The following MINK1 variants were observed in gnomAD, a reference collection of about 807,000 sequenced individuals.
MINK1 encodes misshapen like kinase 1.
A neutral mutation model predicts 178.4 loss-of-function variants in MINK1; 46 were observed. The observed-to-expected ratio is 0.26, with a 90% CI of 0.20 to 0.33. The LOEUF (loss-of-function observed/expected upper bound fraction) is 0.33. MINK1 is among the 10% of genes least tolerant of loss of function. The pLI is 1.00. For synonymous variants in MINK1, 797 were observed against 709.7 expected (o/e 1.12, Z -1.96); for missense variants, 1,366 against 1,814.9 (o/e 0.75, Z 4.49).
intron 19 of MINK1, 55 bp from the exon 20 acceptor site, chr17:4,892,924 C>T: frequency 1.3e-5 from 19 of 1,473,806 alleles, no homozygotes; most frequent in Non-Finnish European, 1.8e-5. Flanking sequence ...AGGGTGTGGG[C>T]TTGAGGCCAT....
chr17:4,897,401 T>C lies in MINK1; in HGVS notation c.*114T>C. 1 of 932,634 alleles carries C rather than the reference T, an allele frequency of 1.1e-6. No homozygotes were observed. Among genetic ancestry groups the C allele is most frequent in the East Asian group, 2.6e-5 (1 of 38,198 alleles). The allele number at this position is 932,634 out of a possible 1,614,324, so 57.8% of individuals were successfully genotyped here. A position where few individuals can be genotyped will look rare whatever the true frequency, so the allele number is the denominator to read the frequency against. On this transcript the variant is annotated 3_prime_UTR_variant, in exon 32 of 32. Transcript: ENST00000355280. ...GGCTTTTGCTTTTACTGGTTTGATTTCACTGGAGCCTGCTGGGAACGTGAC... is the reference window on the plus strand; with the variant it reads ...GGCTTTTGCTTTTACTGGTTTGATTCCACTGGAGCCTGCTGGGAACGTGAC...
intron 1 of MINK1, among the ~76,000 whole-genome samples, chr17:4,856,246 C>T (rs1430765721): frequency 1.3e-5 from 2 of 152,130 alleles, no homozygotes; most frequent in Non-Finnish European, 2.9e-5. Context: ...TTCTTCAGGC[C>T]TGGGAGGCCA....
chr17:4,888,856 C>G (rs996920260), intron 12 of MINK1, among the ~76,000 whole-genome samples: 1 of 151,908 alleles, frequency 6.6e-6, no homozygotes, highest in Non-Finnish European at 1.5e-5. Flanking sequence ...CGCCACCACG[C>G]CCGGCTAATT....
chr17:4,894,060 CCCATA>C lies in MINK1; in HGVS notation c.2639_2643del (p.Pro880ArgfsTer12). The C allele has an allele frequency of 6.3e-7, 1 of 1,589,092 alleles. No homozygotes were observed. Among genetic ancestry groups the C allele is most frequent in the South Asian group, 1.1e-5 (1 of 88,966 alleles). On this transcript the variant is annotated frameshift_variant, in exon 22 of 32. Transcript: ENST00000355280. LOFTEE classifies it high-confidence loss of function. The surrounding 1 kb of genome is among the most constrained non-coding windows in gnomAD (Gnocchi z 4.1). ...TCGAGGAGATCACCGGGACCCAGCC[CCCATA>C]CGGGGGCGGCACCATGGTGGTCCAG...
intron 21 of MINK1, 123 bp downstream of exon 21, chr17:4,893,720 G>T (rs936569907): frequency 2.7e-5 from 36 of 1,343,732 alleles, no homozygotes; most frequent in Non-Finnish European, 3.5e-5. Flanking sequence ...TCTAGAGAGT[G>T]GGGTGAGGGT....
chr17:4,871,127 C>A, intron 1 of MINK1: 1 of 281,630 alleles, frequency 3.6e-6, no homozygotes, highest in Non-Finnish European at 7.7e-6. Context: ...AAGGTTCATC[C>A]ATGTTGCAAC....
rs1555539684 is a variant in MINK1, at chr17:4,887,670, A to ACAGCAGCAG, written c.1115_1123dup (p.Gln372_Gln374dup). The ACAGCAGCAG allele has an allele frequency of 1.9e-6, 3 of 1,566,508 alleles. No individual in the cohort carries two copies. The African/African-American group carries it at 4.1e-5, about 21-fold the overall frequency. On this transcript the variant is annotated inframe_insertion, in exon 12 of 32. Coordinates refer to ENST00000355280, the MANE Select transcript of MINK1 (RefSeq NM_153827.5). This position sits in a 1 kb window ranked among gnomAD's most constrained non-coding sequence, Gnocchi z 7.6. ...ATAAGAGCAACTCAGAGGCTTTAAA[A>ACAGCAGCAG]CAGCAGCAGCAGCTGCAGCAGCAGC...
At chr17:4,867,952 C>T (rs189348414) in intron 1 of MINK1, among the ~76,000 whole-genome samples, 180 of 151,706 alleles carry the variant, frequency 1.2e-3, no homozygotes, top group Non-Finnish European at 1.5e-3. Context: ...TTGTTGAGAA[C>T]ATTCCATATC....
chr17:4,847,775 C>T (rs1911267381), intron 1 of MINK1, among the ~76,000 whole-genome samples: 3 of 152,044 alleles, frequency 2.0e-5, no homozygotes, highest in Admixed American at 6.6e-5. Flanking sequence ...GAGCTGGTCT[C>T]GGAAACATCA....
Position 4,895,296 on chromosome 17 carries a change from G to C in MINK1, c.3085+54G>C. On this transcript the variant is annotated intron_variant, in intron 25 of 31. Transcript: ENST00000355280. This position sits in a 1 kb window ranked among gnomAD's most constrained non-coding sequence, Gnocchi z 4.3. ...GCTCTGGCGTGGCTCTTGTGCTCCT[G>C]GTTAGGTGAGGGCCTGGCTGAGCCT... 1.9e-6 allele frequency: 3 copies of C among 1,608,940 alleles called. No homozygotes were observed. The highest frequency in any genetic ancestry group is 2.6e-6 in the Non-Finnish European group (3 of 1,176,374).
At chr17:4,840,979 G>A (rs768418511) in intron 1 of MINK1, among the ~76,000 whole-genome samples, 4 of 152,026 alleles carry the variant, frequency 2.6e-5, no homozygotes, top group East Asian at 1.9e-4. Flanking sequence ...AAATGGGGAC[G>A]AGCTGCCTAA....
At chr17:4,891,231 C>G in intron 15 of MINK1, 107 bp downstream of exon 15, 1 of 1,165,588 alleles carries the variant, frequency 8.6e-7, no homozygotes, top group South Asian at 1.6e-5. Flanking sequence ...CACACCTGCT[C>G]AGCCGTGAGC....
chr17:4,838,974 C>T (rs1187744915), intron 1 of MINK1, among the ~76,000 whole-genome samples: 2 of 150,952 alleles, frequency 1.3e-5, no homozygotes, highest in East Asian at 1.9e-4. Flanking sequence ...GACGCAGTCT[C>T]GCACTGTCGC....
Position 4,881,274 on chromosome 17 carries a change from T to C in MINK1, c.306+17T>C. 1 of 1,535,566 alleles carries C rather than the reference T, an allele frequency of 6.5e-7. No homozygotes were observed. The highest frequency in any genetic ancestry group is 8.7e-7 in the Non-Finnish European group (1 of 1,146,042). On this transcript the variant is annotated intron_variant, in intron 4 of 31. Transcript: ENST00000355280. ...CAGCTCTGGGTGAGAAACGCCCCCCTGCCCGCCTTCCCTCCCCGCAATCCC... is the reference window on the plus strand; with the variant it reads ...CAGCTCTGGGTGAGAAACGCCCCCCCGCCCGCCTTCCCTCCCCGCAATCCC...
Position 4,833,524 on chromosome 17 carries a change from G to A in MINK1, c.-60G>A. The A allele has an allele frequency of 2.9e-6, 4 of 1,382,960 alleles. No homozygotes were observed. The highest frequency in any genetic ancestry group is 3.9e-6 in the Non-Finnish European group (4 of 1,030,144). 85.7% of individuals were successfully genotyped at this position (1,382,960 alleles called of 1,614,324 possible). A position where few individuals can be genotyped will look rare whatever the true frequency, so the allele number is the denominator to read the frequency against. ...CGATGGGGGAGAAGCGGCGACGGCG[G>A]CAGTGGAGTAACCGAGCCGGAGCGT... On this transcript the variant is annotated 5_prime_UTR_variant, in exon 1 of 32. Coordinates refer to ENST00000355280, the MANE Select transcript of MINK1 (RefSeq NM_153827.5). This position sits in a 1 kb window ranked among gnomAD's most constrained non-coding sequence, Gnocchi z 4.8.
intron 1 of MINK1, among the ~76,000 whole-genome samples, chr17:4,864,112 T>A (rs1162353207): frequency 1.3e-5 from 2 of 151,890 alleles, no homozygotes; most frequent in Non-Finnish European, 2.9e-5. Flanking sequence ...ATTAAAGGGC[T>A]ATGGGGGCCA....
At chr17:4,861,904 T>A (rs1914227165) in intron 1 of MINK1, among the ~76,000 whole-genome samples, 1 of 152,226 alleles carries the variant, frequency 6.6e-6, no homozygotes, top group South Asian at 2.1e-4. Flanking sequence ...CGCAGACTGT[T>A]ACCCCACATG....
Position 4,891,564 on chromosome 17 carries a change from C to A in MINK1, c.1849C>A (p.His617Asn), listed in dbSNP as rs756851295. The change falls in exon 16 of 32, where the codon CAT (histidine) becomes AAT (asparagine). Residue 617 changes from histidine (H) to asparagine (N), a missense_variant. Physicochemically the swap from His to Asn is moderately conservative, Grantham distance 68. Coordinates refer to ENST00000355280, the MANE Select transcript of MINK1 (RefSeq NM_153827.5). Reference protein sequence around the residue: ...TRNLAAFPASHDPDPAIPAPT... With the variant: ...TRNLAAFPASNDPDPAIPAPT... ...AAACCTGGCTGCCTTCCCAGCCTCCCATGACCCCGACCCTGCCATCCCCGC... is the reference window on the plus strand; with the variant it reads ...AAACCTGGCTGCCTTCCCAGCCTCCAATGACCCCGACCCTGCCATCCCCGC... 3.1e-6 allele frequency: 5 copies of A among 1,607,794 alleles called. No homozygotes were observed. The South Asian group carries it at 5.6e-5, about 18-fold the overall frequency.
chr17:4,884,491 C>T lies in MINK1; in HGVS notation c.417+18C>T, dbSNP rs1262441240. 4.5e-6 allele frequency: 7 copies of T among 1,572,198 alleles called. No individual in the cohort carries two copies. The highest frequency in any genetic ancestry group is 6.1e-6 in the Non-Finnish European group (7 of 1,142,390). The stretch of plus-strand genomic sequence containing the variant: ...TCCTCAGGGTGAGCTCAAGGCCCCT[C>T]CCCTTGTCTTCTCCTCCGCTACCCT... On this transcript the variant is annotated intron_variant, in intron 5 of 31. Coordinates refer to ENST00000355280, the MANE Select transcript of MINK1 (RefSeq NM_153827.5).
Sources: gnomAD v4.1 joint callset for allele counts (sites outside exome capture counted in the v4.1 genomes callset) on GRCh38, gnomAD v4.1.1 for gene constraint, Gnocchi (gnomAD v3.1) non-coding constraint, MANE v1.5 for transcripts, NCBI Gene and HGNC (gene_info 2026-07-23, HGNC 2026-07-21) for gene names.